GALNTL6: variants seen among roughly 807,000 people sequenced by gnomAD.
GALNTL6 encodes polypeptide N-acetylgalactosaminyltransferase like 6.
In GALNTL6, 46 loss-of-function variants were observed where a neutral mutation model predicts 73.7. The observed-to-expected ratio is 0.62, with a 90% CI of 0.49 to 0.80. The LOEUF (loss-of-function observed/expected upper bound fraction) is 0.80. GALNTL6 is among the 30% of genes least tolerant of loss of function. GALNTL6 has a pLI of 0.00. For missense variants in GALNTL6, 604 were observed against 755.0 expected, an observed-to-expected ratio of 0.80 and a Z score of 2.34; for synonymous variants, 259 against 263.7, an observed-to-expected ratio of 0.98 and a Z score of 0.17.
chr4:171,820,796 A>C (rs769948018), intron 2 of GALNTL6, among the ~76,000 whole-genome samples: 1 of 152,148 alleles, frequency 6.6e-6, no homozygotes, highest in Non-Finnish European at 1.5e-5. Context: ...CTTGTTATAG[A>C]GCATGATAGT....
chr4:171,848,315 G>T (rs1336849375), intron 2 of GALNTL6, among the ~76,000 whole-genome samples: 1 of 152,136 alleles, frequency 6.6e-6, no homozygotes, highest in Admixed American at 6.5e-5. Flanking sequence ...AGGCTTTGTT[G>T]TTCCATTTAT....
chr4:172,451,253 A>G (rs1395351376), intron 5 of GALNTL6, among the ~76,000 whole-genome samples: 1 of 152,248 alleles, frequency 6.6e-6, no homozygotes, highest in Admixed American at 6.5e-5. Context: ...TGCTTCACAT[A>G]TAATAGGCAA....
intron 2 of GALNTL6, among the ~76,000 whole-genome samples, chr4:171,973,179 A>G (rs912479917): frequency 6.6e-6 from 1 of 152,124 alleles, no homozygotes; most frequent in Non-Finnish European, 1.5e-5. Flanking sequence ...TAGTGTTTCT[A>G]AGTTTGTAAT....
At chr4:172,243,989 G>T (rs191802254) in intron 3 of GALNTL6, among the ~76,000 whole-genome samples, 127 of 151,958 alleles carry the variant, frequency 8.4e-4, no homozygotes, top group African/African-American at 2.6e-3. Flanking sequence ...ATATTATCTG[G>T]CACCCTTTTT....
chr4:172,733,449 A>G (rs1560912979), intron 5 of GALNTL6, among the ~76,000 whole-genome samples: 2 of 151,692 alleles, frequency 1.3e-5, no homozygotes, highest in East Asian at 3.9e-4. Flanking sequence ...CTTGAATTGT[A>G]GCTCCCATAA....
chr4:171,944,379 G>A (rs565932077), intron 2 of GALNTL6, among the ~76,000 whole-genome samples: 16 of 152,028 alleles, frequency 1.1e-4, no homozygotes, highest in Admixed American at 5.9e-4. Flanking sequence ...AGTGATCTAC[G>A]CCACAGCTTC....
At chr4:172,755,647 T>C (rs192627493) in intron 5 of GALNTL6, among the ~76,000 whole-genome samples, 38 of 152,364 alleles carry the variant, frequency 2.5e-4, no homozygotes, top group African/African-American at 8.9e-4. Flanking sequence ...CCTTGATTCA[T>C]TTCACTCATT....
At chr4:172,778,578 G>T (rs1739201464) in intron 5 of GALNTL6, among the ~76,000 whole-genome samples, 1 of 152,198 alleles carries the variant, frequency 6.6e-6, no homozygotes, top group Admixed American at 6.5e-5. Flanking sequence ...TTTGTAGGCA[G>T]AATGAAGTGC....
At chr4:172,286,490 A>T (rs1277908735) in intron 3 of GALNTL6, among the ~76,000 whole-genome samples, 1 of 152,212 alleles carries the variant, frequency 6.6e-6, no homozygotes, top group Non-Finnish European at 1.5e-5. Context: ...AAGACAGTGC[A>T]TGGGCCTTCC....
At chr4:172,112,107 C>T (rs762768867) in intron 2 of GALNTL6, among the ~76,000 whole-genome samples, 3 of 151,986 alleles carry the variant, frequency 2.0e-5, no homozygotes, top group Non-Finnish European at 4.4e-5. Flanking sequence ...TTTTAACTGT[C>T]GCCTGAGTTA....
At chr4:172,497,892 G>C (rs570435389) in intron 5 of GALNTL6, among the ~76,000 whole-genome samples, 2 of 151,628 alleles carry the variant, frequency 1.3e-5, no homozygotes, top group Non-Finnish European at 1.5e-5. Flanking sequence ...AATGCCAGGA[G>C]AATTTATAAA....
intron 5 of GALNTL6, among the ~76,000 whole-genome samples, chr4:172,357,219 C>T (rs1742191699): frequency 6.6e-6 from 1 of 152,094 alleles, no homozygotes; most frequent in Non-Finnish European, 1.5e-5. Context: ...GGTCATAAAA[C>T]AGAGTTAAAT....
intron 5 of GALNTL6, among the ~76,000 whole-genome samples, chr4:172,410,005 A>G (rs1165120111): frequency 6.6e-6 from 1 of 152,014 alleles, no homozygotes; most frequent in Non-Finnish European, 1.5e-5. Context: ...ATTTATTTCT[A>G]GATTTTTCTA....
At chr4:172,341,150 T>C (rs1350533094) in intron 4 of GALNTL6, among the ~76,000 whole-genome samples, 3 of 152,190 alleles carry the variant, frequency 2.0e-5, no homozygotes, top group Admixed American at 2.0e-4. Context: ...TGATATTCAA[T>C]GCCTTGAAAA....
intron 2 of GALNTL6, among the ~76,000 whole-genome samples, chr4:171,821,087 G>A (rs1194820092): frequency 1.3e-5 from 2 of 152,016 alleles, no homozygotes; most frequent in Non-Finnish European, 1.5e-5. Flanking sequence ...CCCAGCTAGA[G>A]TGCAGTGGTG....
intron 2 of GALNTL6, among the ~76,000 whole-genome samples, chr4:171,907,647 T>G (rs1737334231): frequency 6.6e-6 from 1 of 151,644 alleles, no homozygotes. Context: ...AAAACTACTT[T>G]AAAGTTCATA....
chr4:172,463,931 G>A (rs1016565140), intron 5 of GALNTL6, among the ~76,000 whole-genome samples: 8 of 152,154 alleles, frequency 5.3e-5, no homozygotes, highest in Non-Finnish European at 1.2e-4. Context: ...TAACACTTAT[G>A]AATAATAGTT....
intron 7 of GALNTL6, among the ~76,000 whole-genome samples, chr4:172,830,687 T>C (rs967788849): frequency 1.3e-5 from 2 of 152,178 alleles, no homozygotes; most frequent in Non-Finnish European, 2.9e-5. Flanking sequence ...AGTAGATTGA[T>C]TGAGAAAATC....
intron 5 of GALNTL6, among the ~76,000 whole-genome samples, chr4:172,399,386 G>A (rs772956286): frequency 6.6e-6 from 1 of 151,772 alleles, no homozygotes; most frequent in Non-Finnish European, 1.5e-5. Context: ...ATAACTATAT[G>A]CAGAGTAAAC....
Sources: gnomAD v4.1 joint callset for allele counts (sites outside exome capture counted in the v4.1 genomes callset) on GRCh38, gnomAD v4.1.1 for gene constraint, MANE v1.5 for transcripts, NCBI Gene and HGNC (gene_info 2026-07-23, HGNC 2026-07-21) for gene names.